The following PVT1 variants were observed in gnomAD, a reference collection of about 807,000 sequenced individuals.
The protein encoded by PVT1 is Pvt1 oncogene.
At chr8:127,884,340 G>A (rs1309222610) in intron 2 of PVT1, among the ~76,000 whole-genome samples, 1 of 152,184 alleles carries the variant, frequency 6.6e-6, no homozygotes, top group Non-Finnish European at 1.5e-5. Flanking sequence ...TCGCTAGATT[G>A]TGTGCATATT....
At position 127,860,345 on chromosome 8, in the gene PVT1, A is replaced by G. The variant is rs918177372; in HGVS notation, n.373-30244A>G. On this transcript the variant is annotated intron_variant and non_coding_transcript_variant, in intron 2 of 10. Coordinates refer to ENST00000651587, the Ensembl canonical transcript of PVT1. ...TTCTCGAAGGCATCTTCAGAAGGCAAGCACAGGGCTGAGCACTCCGGAGAG... is the reference window on the plus strand; with the variant it reads ...TTCTCGAAGGCATCTTCAGAAGGCAGGCACAGGGCTGAGCACTCCGGAGAG... Among the ~76,000 whole-genome samples, 4 of 152,354 alleles carry G rather than the reference A, an allele frequency of 2.6e-5. No homozygotes were observed. The South Asian group carries it at 8.3e-4, about 32-fold the overall frequency.
At chr8:127,947,751 T>G in intron 3 of PVT1, 1 of 456,518 alleles carries the variant, frequency 2.2e-6, no homozygotes, top group Non-Finnish European at 4.4e-6. Context: ...AAGGCGATGA[T>G]CACAGTCCAG....
chr8:127,806,524 G>GAT (rs1814531421), intron 2 of PVT1, among the ~76,000 whole-genome samples: 1 of 151,988 alleles, frequency 6.6e-6, no homozygotes, highest in Non-Finnish European at 1.5e-5. Flanking sequence ...TGCTAACAAA[G>GAT]TCAGGTTTTG....
intron 4 of PVT1, among the ~76,000 whole-genome samples, chr8:128,066,001 G>T (rs1813906616): frequency 6.6e-6 from 1 of 152,162 alleles, no homozygotes; most frequent in Non-Finnish European, 1.5e-5. Context: ...AACAATTAAG[G>T]CATTTCAGTT....
At chr8:128,089,589 A>G (rs1239953944) in intron 5 of PVT1, among the ~76,000 whole-genome samples, 1 of 152,216 alleles carries the variant, frequency 6.6e-6, no homozygotes, top group Non-Finnish European at 1.5e-5. Context: ...AGGATTCAAC[A>G]TTGCCCCTGC....
intron 2 of PVT1, among the ~76,000 whole-genome samples, chr8:127,804,227 A>C (rs1200703568): frequency 6.6e-6 from 1 of 152,184 alleles, no homozygotes; most frequent in African/African-American, 2.4e-5. Context: ...AAAATAAATA[A>C]ATAAATTTTT....
chr8:127,899,268 T>C (rs1815729055), intron 3 of PVT1, among the ~76,000 whole-genome samples: 2 of 152,244 alleles, frequency 1.3e-5, no homozygotes, highest in Non-Finnish European at 2.9e-5. Flanking sequence ...GGGCTTTCGC[T>C]TGCTCCTTTG....
At chr8:127,835,866 T>C (rs554393227) in intron 2 of PVT1, among the ~76,000 whole-genome samples, 1 of 152,130 alleles carries the variant, frequency 6.6e-6, no homozygotes, top group African/African-American at 2.4e-5. Flanking sequence ...ATTCACGGAG[T>C]TATTTTGTGA....
intron 3 of PVT1, among the ~76,000 whole-genome samples, chr8:127,941,865 A>C (rs1816355227): frequency 1.3e-5 from 2 of 152,080 alleles, no homozygotes; most frequent in East Asian, 1.9e-4. Flanking sequence ...GCTCTGGGCC[A>C]TGTGTGTGGG....
chr8:127,945,252 A>G (rs16902490), intron 3 of PVT1, among the ~76,000 whole-genome samples: 9,687 of 152,078 alleles, frequency 0.064, 732 homozygotes, highest in African/African-American at 0.18. Context: ...ACATCCGCAC[A>G]TGCTTTCTTG....
chr8:128,051,487 G>C (rs2130105748), intron 4 of PVT1, among the ~76,000 whole-genome samples: 1 of 152,240 alleles, frequency 6.6e-6, no homozygotes, highest in South Asian at 2.1e-4. Context: ...TTCCTCTCCA[G>C]ATTTGGAGAG....
intron 3 of PVT1, among the ~76,000 whole-genome samples, chr8:127,942,016 C>G (rs1187099749): frequency 6.6e-6 from 1 of 152,214 alleles, no homozygotes; most frequent in Non-Finnish European, 1.5e-5. Context: ...GGAAACGACT[C>G]CCTTCCCAAG....
At chr8:128,098,289 G>A (rs1385350612) in intron 6 of PVT1, among the ~76,000 whole-genome samples, 1 of 152,208 alleles carries the variant, frequency 6.6e-6, no homozygotes, top group Admixed American at 6.5e-5. Context: ...AGTGCTGGAG[G>A]CTTCAGAAAT....
At chr8:128,095,246 C>T (rs1395550690) in intron 5 of PVT1, among the ~76,000 whole-genome samples, 1 of 152,134 alleles carries the variant, frequency 6.6e-6, no homozygotes, top group Non-Finnish European at 1.5e-5. Flanking sequence ...TTCTAGGATT[C>T]GTACCTTTTG....
At position 127,824,775 on chromosome 8, in the gene PVT1, C is replaced by A. The variant is rs1277021834; in HGVS notation, n.372+28704C>A. Among the ~76,000 whole-genome samples, 5 of 152,232 alleles carry A rather than the reference C, an allele frequency of 3.3e-5. No homozygotes were observed. In the South Asian group the frequency reaches 8.3e-4, roughly 25 times the overall value. ...AATATAATGTTGTAACATCCTATTG[C>A]AATGACAGCTTGTCTTTCTCCCAAT... On this transcript the variant is annotated intron_variant and non_coding_transcript_variant, in intron 2 of 10. Transcript: ENST00000651587.
intron 3 of PVT1, among the ~76,000 whole-genome samples, chr8:127,960,943 T>TGGGGGGGGGGGG (rs1219833158): frequency 3.6e-5 from 1 of 27,600 alleles, no homozygotes; most frequent in Admixed American, 5.2e-4. Context: ...TGTTTGGGGG[T>TGGGGGGGGGGGG]GGGGGGGGCG....
chr8:128,090,684 C>A (rs996063673), intron 5 of PVT1, among the ~76,000 whole-genome samples: 1 of 152,120 alleles, frequency 6.6e-6, no homozygotes, highest in Non-Finnish European at 1.5e-5. Context: ...GAACTACTGG[C>A]AGACACTTTG....
At chr8:127,836,379 G>A (rs1272301976) in intron 2 of PVT1, among the ~76,000 whole-genome samples, 1 of 152,138 alleles carries the variant, frequency 6.6e-6, no homozygotes, top group Non-Finnish European at 1.5e-5. Flanking sequence ...TGCCATGGTG[G>A]TTTGCTGCAC....
At chr8:127,883,614 A>G (rs1020250395) in intron 2 of PVT1, among the ~76,000 whole-genome samples, 1 of 152,078 alleles carries the variant, frequency 6.6e-6, no homozygotes, top group Non-Finnish European at 1.5e-5. Context: ...TAAAACTTAA[A>G]GTATAATAAA....
Sources: gnomAD v4.1 joint callset for allele counts (sites outside exome capture counted in the v4.1 genomes callset) on GRCh38, gnomAD v4.1.1 for gene constraint, MANE v1.5 for transcripts, NCBI Gene and HGNC (gene_info 2026-07-23, HGNC 2026-07-21) for gene names.